DMD: variants seen among roughly 807,000 people sequenced by gnomAD.
DMD encodes mutant dystrophin.
A neutral mutation model predicts 330.1 loss-of-function variants in DMD; 63 were observed. The ratio of observed to expected loss-of-function variants is 0.19; its 90% confidence interval spans 0.16 to 0.24. The LOEUF is 0.24. Ranked by LOEUF, DMD falls within the 10% of genes least tolerant of loss-of-function variation. DMD has a pLI of 1.00. For missense variants in DMD, 3,344 were observed against 2,684.1 expected (o/e 1.25, Z -5.43); for synonymous variants, 1,223 against 959.8 (o/e 1.27, Z -5.07).
intron 77 of DMD, among the ~76,000 whole-genome samples, chrX:31,132,305 T>C (rs1026769446): frequency 2.7e-5 from 3 of 112,392 alleles, no homozygotes. Flanking sequence ...TCTACACCCA[T>C]GTGGTATCTA....
At chrX:31,969,305 A>G (rs1379371520) in intron 44 of DMD, among the ~76,000 whole-genome samples, 5 of 112,038 alleles carry the variant, frequency 4.5e-5, no homozygotes, top group Non-Finnish European at 7.5e-5. Context: ...GCTTTTTACC[A>G]TTAAATAAAA....
chrX:31,740,665 G>A, intron 51 of DMD, among the ~76,000 whole-genome samples: 1 of 111,960 alleles, frequency 8.9e-6, no homozygotes, highest in Non-Finnish European at 1.9e-5. Context: ...AAAAAAAATG[G>A]TAACAATCAT....
intron 1 of DMD, among the ~76,000 whole-genome samples, chrX:33,275,048 T>C (rs1383864793): frequency 9.0e-6 from 1 of 111,731 alleles, no homozygotes; most frequent in Non-Finnish European, 1.9e-5. Flanking sequence ...TATGTCTTTG[T>C]CGTGTTGTGC....
At chrX:33,238,493 C>A (rs1368000405) in intron 1 of DMD, among the ~76,000 whole-genome samples, 1 of 110,975 alleles carries the variant, frequency 9.0e-6, no homozygotes, top group East Asian at 2.8e-4. Flanking sequence ...CTCTCTCCCC[C>A]CTGTTTGTGT....
At chrX:33,103,991 C>G (rs933168541) in intron 1 of DMD, among the ~76,000 whole-genome samples, 51 of 111,391 alleles carry the variant, frequency 4.6e-4, no homozygotes, top group Non-Finnish European at 8.5e-4. Flanking sequence ...CTGATAAGTC[C>G]TCAGGGGAAC....
intron 20 of DMD, among the ~76,000 whole-genome samples, chrX:32,487,186 C>A (rs1044560130): frequency 9.0e-6 from 1 of 111,493 alleles, no homozygotes; most frequent in African/African-American, 3.3e-5. Flanking sequence ...AAAAAGTGGG[C>A]GAAGGGCATG....
At chrX:31,122,879 C>T (rs184335598) in intron 78 of DMD, among the ~76,000 whole-genome samples, 4 of 111,832 alleles carry the variant, frequency 3.6e-5, no homozygotes, top group Non-Finnish European at 7.5e-5. Flanking sequence ...TAATCTGAGA[C>T]TTACTTTATG....
intron 1 of DMD, among the ~76,000 whole-genome samples, chrX:33,226,165 A>G (rs1289938764): frequency 9.0e-6 from 1 of 111,617 alleles, no homozygotes; most frequent in Non-Finnish European, 1.9e-5. Flanking sequence ...AGTTTGGTGC[A>G]TTGTAAAAAA....
Position 32,613,463 on chromosome X carries a change from C to T in DMD, c.1482+840G>A, listed in dbSNP as rs765768350. 3.4e-4 allele frequency among the ~76,000 whole-genome samples: 37 copies of T among 109,925 alleles called. No homozygotes were observed. The East Asian group carries it at 9.2e-3, about 27-fold the overall frequency. On this transcript the variant is annotated intron_variant, in intron 12 of 78. Transcript: ENST00000357033. ...AACAAAAAAAAATGCTTTCTGGCAG[C>T]GAGGGAGCATAACTGGAAATGTACA...
At chrX:33,170,457 T>C (rs774132286) in intron 1 of DMD, among the ~76,000 whole-genome samples, 1 of 111,200 alleles carries the variant, frequency 9.0e-6, no homozygotes, top group African/African-American at 3.3e-5. Flanking sequence ...CTGGAAATTA[T>C]AGATTATGCT....
rs182213299 is a variant in DMD at position 32,841,552 on chromosome X, G to A, written c.264+3231C>T. ...GAAGTGCAAAAACAGACCCACATAT[G>A]TACGGACAAATTTTTAATGACACAC... is the stretch of plus-strand genomic sequence containing the variant. On this transcript the variant is annotated intron_variant, in intron 4 of 78. Coordinates refer to ENST00000357033, the MANE Select transcript of DMD (RefSeq NM_004006.3). Among the ~76,000 whole-genome samples the A allele has an allele frequency of 1.5e-3, 163 of 111,886 alleles. 1 individual carries two copies. The highest frequency in any genetic ancestry group is 4.2e-3 in the African/African-American group (130 of 30,877).
At position 32,487,370 on chromosome X, in the gene DMD, G is replaced by C. The variant is rs191444623; in HGVS notation, c.2623-2271C>G. ...ATGCTGTCTTTAGAAAAAAATACTT[G>C]AGGGTTAGTTACTATTTAATATGTA... On this transcript the variant is annotated intron_variant, in intron 20 of 78. Coordinates refer to ENST00000357033, the MANE Select transcript of DMD (RefSeq NM_004006.3). Among the ~76,000 whole-genome samples, 56 of 111,139 alleles carry C rather than the reference G, an allele frequency of 5.0e-4. 1 individual carries two copies. The highest frequency in any genetic ancestry group is 8.7e-4 in the Non-Finnish European group (46 of 53,002).
chrX:32,386,315 C>T lies in DMD; in HGVS notation c.4669G>A (p.Ala1557Thr). The change falls in exon 33 of 79, where the codon GCA becomes ACA. Residue 1557 changes from alanine to threonine, a missense_variant. Ala to Thr is a moderately conservative substitution (Grantham distance 58). Coordinates refer to ENST00000357033, the MANE Select transcript of DMD (RefSeq NM_004006.3). ...ALKLHYNELG[A>T]KVTERKQQLE... The stretch of plus-strand genomic sequence containing the variant: ...TGGTCTCAGCATGCACACACCTTTG[C>T]TCCCAGCTCATTATAATGCAATTTC... 8.3e-7 allele frequency: 1 copy of T among 1,208,840 alleles called. No individual in the cohort carries two copies. Among genetic ancestry groups the T allele is most frequent in the South Asian group, 1.8e-5 (1 of 56,922 alleles).
At chrX:31,303,309 T>C (rs1324949025) in intron 62 of DMD, among the ~76,000 whole-genome samples, 1 of 111,174 alleles carries the variant, frequency 9.0e-6, no homozygotes, top group African/African-American at 3.3e-5. Flanking sequence ...CGCCTCCTTC[T>C]TTCTTTAGGT....
chrX:33,071,679 A>G (rs909656627), intron 1 of DMD, among the ~76,000 whole-genome samples: 2 of 111,338 alleles, frequency 1.8e-5, no homozygotes, highest in African/African-American at 6.5e-5. Context: ...TCTTATTTCA[A>G]TTATTATGCT....
At chrX:32,748,017 TG>T (rs2070282773) in intron 7 of DMD, among the ~76,000 whole-genome samples, 1 of 111,510 alleles carries the variant, frequency 9.0e-6, no homozygotes, top group Non-Finnish European at 1.9e-5. Context: ...ACAAGCACAA[TG>T]GTAATACACG....
rs35537635 is a variant in DMD, at chrX:32,859,461, T to TCACACA, written c.94-9647_94-9642dup. Among the ~76,000 whole-genome samples the TCACACA allele has an allele frequency of 6.5e-3, 559 of 86,023 alleles. 1 individual carries two copies. The highest frequency in any genetic ancestry group is 8.4e-3 in the Non-Finnish European group (365 of 43,534). The allele number at this position is 86,023 out of a possible 115,157, so 74.7% of individuals were successfully genotyped here. Reference sequence around the variant, plus strand: ...CCGGCCTTTGTGACGAAGCAAGATCTCACACACACACACACACACACACAC... The same window carrying TCACACA: ...CCGGCCTTTGTGACGAAGCAAGATCTCACACACACACACACACACACACACACACAC... On this transcript the variant is annotated intron_variant, in intron 2 of 78. Transcript: ENST00000357033.
intron 2 of DMD, among the ~76,000 whole-genome samples, chrX:32,935,113 G>A (rs1830551): frequency 0.15 from 17,014 of 111,676 alleles, 1,244 homozygotes; most frequent in Non-Finnish European, 0.22. Context: ...CGAGTAGCTG[G>A]GACTACAGGC....
At chrX:32,280,478 T>C (rs1168684020) in intron 43 of DMD, among the ~76,000 whole-genome samples, 2 of 111,041 alleles carry the variant, frequency 1.8e-5, no homozygotes, top group East Asian at 5.6e-4. Flanking sequence ...CACATATACC[T>C]ATACCTGGGT....
Sources: gnomAD v4.1 joint callset for allele counts (sites outside exome capture counted in the v4.1 genomes callset) on GRCh38, gnomAD v4.1.1 for gene constraint, MANE v1.5 for transcripts, NCBI Gene and HGNC (gene_info 2026-07-23, HGNC 2026-07-21) for gene names.